The following PDE7B variants were observed in gnomAD, a reference collection of about 807,000 sequenced individuals.
PDE7B encodes the protein 3',5'-cyclic-AMP phosphodiesterase 7B.
In PDE7B, 29 loss-of-function variants were observed where a neutral mutation model predicts 56.2. That is an observed-to-expected ratio of 0.52 (90% CI 0.38 to 0.70). PDE7B has a LOEUF of 0.70. Ranked by LOEUF, PDE7B falls within the 30% of genes least tolerant of loss-of-function variation. The pLI, the probability that PDE7B is intolerant of heterozygous loss-of-function variation, is 0.00. For synonymous variants in PDE7B, 197 were observed against 196.9 expected (o/e 1.00, Z 0.00); for missense variants, 490 against 565.0 (o/e 0.87, Z 1.35).
intron 1 of PDE7B, among the ~76,000 whole-genome samples, chr6:135,931,368 T>C (rs13215381): frequency 0.017 from 2,654 of 152,290 alleles, 28 homozygotes; most frequent in Middle Eastern, 0.037. Context: ...ATAGATGACA[T>C]TGAGAATGTT....
intron 2 of PDE7B, among the ~76,000 whole-genome samples, chr6:135,980,444 A>T (rs1247482974): frequency 8.6e-5 from 13 of 151,918 alleles, no homozygotes; most frequent in African/African-American, 2.9e-4. Flanking sequence ...GACAAATGGG[A>T]TCTAATTAAA....
intron 8 of PDE7B, among the ~76,000 whole-genome samples, chr6:136,172,853 C>T (rs1778913938): frequency 6.6e-6 from 1 of 152,102 alleles, no homozygotes; most frequent in Non-Finnish European, 1.5e-5. Flanking sequence ...TTCTTATACA[C>T]CAATAACAGA....
intron 8 of PDE7B, among the ~76,000 whole-genome samples, chr6:136,168,074 T>C (rs1357215131): frequency 6.6e-6 from 1 of 152,126 alleles, no homozygotes; most frequent in East Asian, 1.9e-4. Context: ...TAAGTGAACA[T>C]AGAGAAAGAG....
intron 1 of PDE7B, among the ~76,000 whole-genome samples, chr6:135,926,321 T>C (rs1774188759): frequency 6.6e-6 from 1 of 152,072 alleles, no homozygotes; most frequent in Non-Finnish European, 1.5e-5. Flanking sequence ...TCTCCTGACC[T>C]CGTGATCTGC....
intron 3 of PDE7B, among the ~76,000 whole-genome samples, chr6:136,118,697 T>C (rs1480392594): frequency 1.3e-5 from 2 of 152,212 alleles, no homozygotes; most frequent in Non-Finnish European, 2.9e-5. Context: ...TCAAAGGCAA[T>C]ATATGATGCA....
intron 8 of PDE7B, among the ~76,000 whole-genome samples, chr6:136,169,093 A>G (rs1358184560): frequency 9.9e-5 from 15 of 152,218 alleles, no homozygotes; most frequent in African/African-American, 3.6e-4. Context: ...GGCCTCCCTA[A>G]GAAACCTGAG....
At chr6:136,079,855 C>T (rs1215082892) in intron 2 of PDE7B, among the ~76,000 whole-genome samples, 1 of 151,940 alleles carries the variant, frequency 6.6e-6, no homozygotes, top group African/African-American at 2.4e-5. Flanking sequence ...CATGACAGCT[C>T]TTGCTCACTG....
At chr6:136,040,070 GCTT>G (rs1419266031) in intron 2 of PDE7B, among the ~76,000 whole-genome samples, 38 of 152,262 alleles carry the variant, frequency 2.5e-4, no homozygotes, top group African/African-American at 7.2e-4. Flanking sequence ...AACTCCTGTA[GCTT>G]CTTATTACTT....
At chr6:135,902,478 A>C (rs541929087) in intron 1 of PDE7B, among the ~76,000 whole-genome samples, 1 of 152,158 alleles carries the variant, frequency 6.6e-6, no homozygotes, top group African/African-American at 2.4e-5. Context: ...ACATCAAATA[A>C]AAGAGTCCAT....
At chr6:135,982,041 T>C (rs1205226619) in intron 2 of PDE7B, among the ~76,000 whole-genome samples, 1 of 152,084 alleles carries the variant, frequency 6.6e-6, no homozygotes, top group East Asian at 1.9e-4. Flanking sequence ...TATGGGACCA[T>C]CATTGTACAT....
intron 5 of PDE7B, 26 bp from the exon 6 acceptor site, chr6:136,151,134 T>C: frequency 7.9e-7 from 1 of 1,271,778 alleles, no homozygotes; most frequent in Non-Finnish European, 1.2e-6. Flanking sequence ...CAAAATTAGT[T>C]AAAGGAAGTG....
chr6:136,098,461 A>C (rs1045797418), intron 2 of PDE7B, among the ~76,000 whole-genome samples: 3 of 152,186 alleles, frequency 2.0e-5, no homozygotes, highest in Non-Finnish European at 4.4e-5. Context: ...TAAATGTAAA[A>C]ATTATATTTA....
chr6:136,017,100 C>T (rs1775989411), intron 2 of PDE7B, among the ~76,000 whole-genome samples: 1 of 152,166 alleles, frequency 6.6e-6, no homozygotes, highest in Admixed American at 6.5e-5. Context: ...GCCTGAAACC[C>T]TCAAATAGTC....
chr6:136,178,284 T>C (rs1779010981), intron 9 of PDE7B, among the ~76,000 whole-genome samples: 1 of 152,214 alleles, frequency 6.6e-6, no homozygotes, highest in Non-Finnish European at 1.5e-5. Flanking sequence ...AAATTATGTA[T>C]GTATTCCCTA....
chr6:136,049,625 G>A (rs550335701), intron 2 of PDE7B, among the ~76,000 whole-genome samples: 2 of 152,294 alleles, frequency 1.3e-5, no homozygotes, highest in Admixed American at 6.5e-5. Flanking sequence ...GATCATTACA[G>A]CTATGACTTT....
chr6:136,164,894 G>A (rs1432344326), intron 8 of PDE7B, among the ~76,000 whole-genome samples: 1 of 152,090 alleles, frequency 6.6e-6, no homozygotes, highest in Non-Finnish European at 1.5e-5. Flanking sequence ...GGCATTAAAT[G>A]CCATTGTTAT....
chr6:136,093,492 A>G (rs150454175), intron 2 of PDE7B, among the ~76,000 whole-genome samples: 21 of 152,348 alleles, frequency 1.4e-4, no homozygotes, highest in African/African-American at 5.1e-4. Flanking sequence ...TTTGTATGTT[A>G]TATACTTATA....
chr6:136,092,131 A>G (rs1031056456), intron 2 of PDE7B, among the ~76,000 whole-genome samples: 56 of 152,362 alleles, frequency 3.7e-4, no homozygotes, highest in African/African-American at 1.3e-3. Flanking sequence ...ATACATGAGT[A>G]TAACAGACTT....
intron 2 of PDE7B, among the ~76,000 whole-genome samples, chr6:135,975,239 C>T (rs189308145): frequency 1.3e-5 from 2 of 151,258 alleles, no homozygotes; most frequent in African/African-American, 4.8e-5. Context: ...ATACAGATTT[C>T]TTTCTTTTAA....
Sources: allele counts gnomAD v4.1 joint callset (sites outside exome capture counted in the v4.1 genomes callset), GRCh38; gene constraint gnomAD v4.1.1; transcripts MANE v1.5; gene names NCBI Gene and HGNC (gene_info 2026-07-23, HGNC 2026-07-21).